CFAP299: variants seen among roughly 807,000 people sequenced by gnomAD.
The protein encoded by CFAP299 is cilia and flagella associated protein 299.
A neutral mutation model predicts 27.0 loss-of-function variants in CFAP299; 21 were observed. The ratio of observed to expected loss-of-function variants is 0.78; its 90% CI spans 0.55 to 1.12. The LOEUF (loss-of-function observed/expected upper bound fraction) is 1.12. Among genes scored for constraint, CFAP299 ranks in the 50% most tolerant of loss-of-function variants. The pLI, the probability that CFAP299 is intolerant of heterozygous loss-of-function variation, is 0.00. For synonymous variants in CFAP299, 104 were observed against 98.1 expected, an observed-to-expected ratio of 1.06 and a Z score of -0.36; for missense variants, 310 against 276.6, an observed-to-expected ratio of 1.12 and a Z score of -0.86.
intron 3 of CFAP299, among the ~76,000 whole-genome samples, chr4:80,796,915 T>G (rs1727897372): frequency 6.6e-6 from 1 of 152,202 alleles, no homozygotes; most frequent in Admixed American, 6.5e-5. Context: ...TGTCATCTGC[T>G]AAGTATGTCT....
intron 2 of CFAP299, among the ~76,000 whole-genome samples, chr4:80,418,540 G>A (rs1480877079): frequency 6.6e-6 from 1 of 151,734 alleles, no homozygotes; most frequent in African/African-American, 2.4e-5. Flanking sequence ...TACAGAACTC[G>A]ATTATTAGTT....
chr4:80,369,749 T>C (rs969771752), intron 2 of CFAP299, among the ~76,000 whole-genome samples: 5 of 152,234 alleles, frequency 3.3e-5, no homozygotes, highest in African/African-American at 1.2e-4. Flanking sequence ...AGACACTTGC[T>C]GTTTTCCTTG....
chr4:80,669,141 CTTTCTTTCTTTTTTT>C lies in CFAP299; in HGVS notation c.333+85962_333+85976del, dbSNP rs1708112037. ...TTTCTTTTCTTTTCTGTCTTTCTTT[CTTTCTTTCTTTTTTT>C]TTTTTTTTTTTTTTTTTTTTTTGAG... On this transcript the variant is annotated intron_variant, in intron 3 of 5. Transcript: ENST00000358105. Among the ~76,000 whole-genome samples the C allele has an allele frequency of 3.9e-4, 12 of 30,724 alleles. No homozygotes were observed. In the South Asian group the frequency reaches 4.5e-3, roughly 12 times the overall value. 20.2% of individuals were successfully genotyped at this position (30,724 alleles called of 152,430 possible).
At chr4:80,755,202 C>T (rs1217068892) in intron 3 of CFAP299, among the ~76,000 whole-genome samples, 3 of 151,886 alleles carry the variant, frequency 2.0e-5, no homozygotes, top group Non-Finnish European at 4.4e-5. Context: ...CTGAATGGAA[C>T]AGTATTTGGC....
intron 2 of CFAP299, among the ~76,000 whole-genome samples, chr4:80,538,718 G>A (rs1436161243): frequency 6.6e-6 from 1 of 152,138 alleles, no homozygotes; most frequent in Non-Finnish European, 1.5e-5. Context: ...ATACCCTGTA[G>A]CCTAGGTGTG....
intron 4 of CFAP299, among the ~76,000 whole-genome samples, chr4:80,878,890 A>C (rs1293377924): frequency 6.6e-6 from 1 of 152,172 alleles, no homozygotes; most frequent in Non-Finnish European, 1.5e-5. Context: ...TATCAGAGAT[A>C]GTTTGTCAGG....
chr4:80,634,801 T>C (rs1739402701), intron 3 of CFAP299, among the ~76,000 whole-genome samples: 4 of 152,170 alleles, frequency 2.6e-5, no homozygotes, highest in Admixed American at 1.3e-4. Context: ...TGAAGACATC[T>C]TTATGAACAT....
chr4:80,878,920 A>G (rs943627909), intron 4 of CFAP299, among the ~76,000 whole-genome samples: 13 of 152,116 alleles, frequency 8.5e-5, no homozygotes, highest in African/African-American at 2.4e-4. Context: ...AAATTTTCAA[A>G]CCCATTATTT....
intron 3 of CFAP299, among the ~76,000 whole-genome samples, chr4:80,665,866 T>G (rs944380721): frequency 1.3e-5 from 2 of 152,078 alleles, no homozygotes; most frequent in African/African-American, 4.8e-5. Flanking sequence ...GGTTTAAAAG[T>G]ATATGGCACC....
intron 2 of CFAP299, among the ~76,000 whole-genome samples, chr4:80,454,535 A>T (rs942874304): frequency 2.6e-5 from 4 of 152,228 alleles, no homozygotes; most frequent in African/African-American, 9.6e-5. Flanking sequence ...ACTCGGGCAC[A>T]CATGCCCATA....
intron 4 of CFAP299, among the ~76,000 whole-genome samples, chr4:80,911,458 T>C (rs1718094076): frequency 6.6e-6 from 1 of 152,170 alleles, no homozygotes; most frequent in Non-Finnish European, 1.5e-5. Context: ...GCCTCAAGTT[T>C]AGTATTAACA....
At chr4:80,770,782 T>C (rs994448853) in intron 3 of CFAP299, among the ~76,000 whole-genome samples, 5 of 152,160 alleles carry the variant, frequency 3.3e-5, no homozygotes, top group Non-Finnish European at 5.9e-5. Context: ...CTTAGTTCTT[T>C]TGGTTTTGGG....
At chr4:80,426,233 A>T (rs1044454189) in intron 2 of CFAP299, among the ~76,000 whole-genome samples, 9 of 151,962 alleles carry the variant, frequency 5.9e-5, no homozygotes, top group African/African-American at 2.2e-4. Flanking sequence ...ACATATTCTC[A>T]GTTGTTTTTT....
chr4:80,963,547 A>G lies in CFAP299; in HGVS notation c.637A>G (p.Thr213Ala). The change falls in exon 6 of 6, where the codon ACT (threonine) becomes GCT (alanine). Residue 213 changes from threonine to alanine, a missense_variant. Physicochemically the swap from Thr to Ala is moderately conservative, Grantham distance 58. Transcript: ENST00000358105. ...AQPGDNSTRI[T>A]ILTELYVQAV... ...GCCAGGTGACAACTCTACTAGAATC[A>G]CTATCCTGACAGAACTCTACGTACA... The G allele has an allele frequency of 1.2e-6, 2 of 1,608,152 alleles. No individual in the cohort carries two copies. The highest frequency in any genetic ancestry group is 1.7e-6 in the Non-Finnish European group (2 of 1,176,688).
At chr4:80,400,510 G>A (rs750611268) in intron 2 of CFAP299, among the ~76,000 whole-genome samples, 18 of 151,748 alleles carry the variant, frequency 1.2e-4, no homozygotes, top group Non-Finnish European at 5.9e-5. Context: ...GAGATCTGAT[G>A]GGTTTATCAG....
intron 4 of CFAP299, among the ~76,000 whole-genome samples, chr4:80,926,134 T>C (rs1736293827): frequency 1.3e-5 from 2 of 152,034 alleles, no homozygotes; most frequent in South Asian, 4.1e-4. Context: ...GAAAACAGTA[T>C]GCTCCCAGGT....
At chr4:80,947,805 A>G (rs562198637) in intron 5 of CFAP299, among the ~76,000 whole-genome samples, 1 of 152,296 alleles carries the variant, frequency 6.6e-6, no homozygotes, top group South Asian at 2.1e-4. Context: ...TTCTTAACTT[A>G]TTCTTTCTTC....
At chr4:80,374,090 T>C (rs1724285410) in intron 2 of CFAP299, among the ~76,000 whole-genome samples, 1 of 152,134 alleles carries the variant, frequency 6.6e-6, no homozygotes, top group South Asian at 2.1e-4. Context: ...TCCAGGTTTC[T>C]TGGAGTCACG....
At chr4:80,752,539 T>C (rs1303543881) in intron 3 of CFAP299, among the ~76,000 whole-genome samples, 1 of 150,326 alleles carries the variant, frequency 6.7e-6, no homozygotes, top group Non-Finnish European at 1.5e-5. Flanking sequence ...TCTTTATACT[T>C]AAGGTGTGCT....
Sources: allele counts gnomAD v4.1 joint callset (sites outside exome capture counted in the v4.1 genomes callset), GRCh38; gene constraint gnomAD v4.1.1; transcripts MANE v1.5; gene names NCBI Gene and HGNC (gene_info 2026-07-23, HGNC 2026-07-21).